The following ADNP variants were observed in gnomAD, a reference collection of about 807,000 sequenced individuals.
ADNP encodes activity dependent neuroprotector homeobox.
Under a neutral mutation model 84.9 loss-of-function variants are expected in ADNP, and 4 were observed. The ratio of observed to expected loss-of-function variants is 0.05; its 90% CI spans 0.02 to 0.11. The LOEUF is 0.11. Among genes scored for constraint, ADNP ranks in the 10% least tolerant of loss-of-function variants. ADNP has a pLI of 1.00. For synonymous variants in ADNP, 554 were observed against 468.1 expected (o/e 1.18, Z -2.37); for missense variants, 1,132 against 1,326.0 (o/e 0.85, Z 2.27).
chr20:50,910,785 G>T (rs527377467), intron 2 of ADNP, among the ~76,000 whole-genome samples: 1 of 152,116 alleles, frequency 6.6e-6, no homozygotes, highest in Non-Finnish European at 1.5e-5. Context: ...CTCGCAAGTA[G>T]ATGAGACTAG....
intron 2 of ADNP, among the ~76,000 whole-genome samples, chr20:50,921,684 G>A (rs765022297): frequency 3.7e-4 from 57 of 152,152 alleles, no homozygotes; most frequent in Non-Finnish European, 6.9e-4. Flanking sequence ...ACTCCTCTAA[G>A]AGTTTAAGAT....
intron 1 of ADNP, among the ~76,000 whole-genome samples, 187 bp downstream of exon 1, chr20:50,930,639 C>T (rs1353351742): frequency 6.6e-6 from 1 of 151,630 alleles, no homozygotes; most frequent in Non-Finnish European, 1.5e-5. Flanking sequence ...GGTAGCGGTC[C>T]GTGCCGGGAC....
chr20:50,891,921 C>T lies in ADNP; in HGVS notation c.2793G>A (p.Glu931=), dbSNP rs1394395413. 5.6e-6 allele frequency: 9 copies of T among 1,614,088 alleles called. No individual in the cohort carries two copies. Among genetic ancestry groups the T allele is most frequent in the Non-Finnish European group, 6.8e-6 (8 of 1,180,052 alleles). ...GAATAGTTTCGTATTTTGAACCATC[C>T]TCTTTTTGGTCTAGCTTCTCCTCAG... is the stretch of plus-strand genomic sequence containing the variant. ...SESEEKLDQK[E]DGSKYETIHL... is the part of the protein sequence containing the mutation. The change falls in exon 6 of 6, where the codon GAG becomes GAA. Residue 931 remains glutamate, a synonymous_variant. Transcript: ENST00000621696.
intron 4 of ADNP, 139 bp from the exon 5 acceptor site, chr20:50,902,248 A>G: frequency 1.6e-6 from 1 of 611,294 alleles, no homozygotes; most frequent in South Asian, 2.0e-5. Context: ...ACTAGGAGTG[A>G]TAAGGCTCTT....
chr20:50,890,858 G>C lies in ADNP; in HGVS notation c.*547C>G. 1 of 928,700 alleles carries C rather than the reference G, an allele frequency of 1.1e-6. No individual in the cohort carries two copies. Among genetic ancestry groups the C allele is most frequent in the Non-Finnish European group, 1.3e-6 (1 of 778,236 alleles). The allele number at this position is 928,700 out of a possible 1,614,324, so 57.5% of individuals were successfully genotyped here. A position where few individuals can be genotyped will look rare whatever the true frequency, so the allele number is the denominator to read the frequency against. ...AACTAGATAGAGCGTTTATTACACAGCAAGGGCAACACTAAAAAAAGAAAT... is the reference window on the plus strand; with the variant it reads ...AACTAGATAGAGCGTTTATTACACACCAAGGGCAACACTAAAAAAAGAAAT... On this transcript the variant is annotated 3_prime_UTR_variant, in exon 6 of 6. Transcript: ENST00000621696.
At chr20:50,918,570 A>G (rs1401052223) in intron 2 of ADNP, among the ~76,000 whole-genome samples, 4 of 152,308 alleles carry the variant, frequency 2.6e-5, no homozygotes, top group East Asian at 3.9e-4. Context: ...ACAGGATATT[A>G]TATTACTTTT....
At position 50,891,840 on chromosome 20, in the gene ADNP, G is replaced by C; in HGVS notation, c.2874C>G (p.Asp958Glu). 3.7e-6 allele frequency: 6 copies of C among 1,614,144 alleles called. No homozygotes were observed. Among genetic ancestry groups the C allele is most frequent in the Non-Finnish European group, 5.1e-6 (6 of 1,180,024 alleles). Residue 958 changes from aspartate (D) to glutamate (E), a missense_variant, in exon 6 of 6, where the codon GAC becomes GAG. Transcript: ENST00000621696. ...LMHNASDSEV[D>E]QDDVVEWKDG... Reference sequence around the variant, plus strand: ...CTTTCCACTCAACAACATCGTCTTGGTCAACCTCACTATCAGATGCATTGT... The same window carrying C: ...CTTTCCACTCAACAACATCGTCTTGCTCAACCTCACTATCAGATGCATTGT...
chr20:50,927,879 TTCCG>T (rs1984392661), intron 2 of ADNP, among the ~76,000 whole-genome samples: 1 of 152,232 alleles, frequency 6.6e-6, no homozygotes, highest in South Asian at 2.1e-4. Context: ...ATTTCAAACA[TTCCG>T]TCAAATAAGT....
chr20:50,899,593 C>T lies in ADNP; in HGVS notation c.201+2424G>A, dbSNP rs959628444. On this transcript the variant is annotated intron_variant, in intron 5 of 5. Transcript: ENST00000621696. Reference sequence around the variant, plus strand: ...AAAGTTAACTCTAAAACAGCCTCAGCCAGATCCTTCAGGAGGTATCTAGAA... The same window carrying T: ...AAAGTTAACTCTAAAACAGCCTCAGTCAGATCCTTCAGGAGGTATCTAGAA... 5.3e-5 allele frequency among the ~76,000 whole-genome samples: 8 copies of T among 152,170 alleles called. No homozygotes were observed. The East Asian group carries it at 1.5e-3, about 29-fold the overall frequency.
At chr20:50,928,229 T>C (rs1352263572) in intron 2 of ADNP, among the ~76,000 whole-genome samples, 1 of 152,190 alleles carries the variant, frequency 6.6e-6, no homozygotes, top group Non-Finnish European at 1.5e-5. Context: ...TGTATTTATG[T>C]AACATACAAA....
At chr20:50,925,111 G>A (rs1568746414) in intron 2 of ADNP, among the ~76,000 whole-genome samples, 2 of 152,072 alleles carry the variant, frequency 1.3e-5, no homozygotes, top group Non-Finnish European at 2.9e-5. Flanking sequence ...TAAGGCAGAG[G>A]ACTGAATTAA....
chr20:50,892,955 G>C lies in ADNP; in HGVS notation c.1759C>G (p.Pro587Ala). Residue 587 changes from proline (P) to alanine (A), a missense_variant, in exon 6 of 6, where the codon CCT becomes GCT. Physicochemically the swap from Pro to Ala is conservative, Grantham distance 27. Around this residue, in one of 10 missense-constraint regions of ADNP, gnomAD observed 53 missense variants for 39.8 expected, o/e 1.33. Transcript: ENST00000621696. ...GGCTGTGGCTTTGGAGGAACTGGAG[G>C]ATTATTTTGGGCATGGTAAGCAACA... ...ESVAYHAQNN[P>A]PVPPKPQPKV... 1 of 1,614,190 alleles carries C rather than the reference G, an allele frequency of 6.2e-7. No homozygotes were observed. The highest frequency in any genetic ancestry group is 8.5e-7 in the Non-Finnish European group (1 of 1,180,040).
rs1402949679 is a variant in ADNP, at chr20:50,931,320, G to A, written c.-759C>T. The A allele has an allele frequency of 6.7e-6, 1 of 148,918 alleles. No homozygotes were observed. Among genetic ancestry groups the A allele is most frequent in the Non-Finnish European group, 1.5e-5 (1 of 66,754 alleles). The allele number at this position is 148,918 out of a possible 1,614,324, so 9.2% of individuals were successfully genotyped here. ...GCGGAGGGGAGACCGGGCCGGCGGA[G>A]GCGGCGGCGGCAACGGGCGGGGGAG... On this transcript the variant is annotated 5_prime_UTR_variant, in exon 1 of 6. Transcript: ENST00000621696.
At chr20:50,898,743 C>T (rs1981664830) in intron 5 of ADNP, among the ~76,000 whole-genome samples, 1 of 152,152 alleles carries the variant, frequency 6.6e-6, no homozygotes, top group South Asian at 2.1e-4. Flanking sequence ...AAACCATGCA[C>T]AAGAATGATG....
intron 5 of ADNP, 21 bp downstream of exon 5, chr20:50,901,996 G>A (rs754012539): frequency 1.9e-6 from 3 of 1,560,074 alleles, no homozygotes; most frequent in South Asian, 2.2e-5. Flanking sequence ...GCCATCTGAG[G>A]AAGTCTCCTG....
At chr20:50,897,781 G>A (rs1981563981) in intron 5 of ADNP, among the ~76,000 whole-genome samples, 1 of 152,208 alleles carries the variant, frequency 6.6e-6, no homozygotes, top group African/African-American at 2.4e-5. Context: ...CTTAAAGGAG[G>A]CATTTGCTTA....
Position 50,893,900 on chromosome 20 carries a change from C to T in ADNP, c.814G>A (p.Ala272Thr). The change falls in exon 6 of 6, where the codon GCT (alanine) becomes ACT (threonine). Residue 272 changes from alanine (A) to threonine (T), a missense_variant. By Grantham distance (58) the Ala-to-Thr change is moderately conservative. Transcript: ENST00000621696. The surrounding 1 kb of genome is among the most constrained non-coding windows in gnomAD (Gnocchi z 4.4). ...CTCTTCTTGTCTTGAGGTTTGGGAG[C>T]AATTAGCATCAAGGGTTTGGATCGG... ...VPRSKPLMLI[A>T]PKPQDKKSMG... 6.2e-7 allele frequency: 1 copy of T among 1,614,158 alleles called. No individual in the cohort carries two copies. Among genetic ancestry groups the T allele is most frequent in the South Asian group, 1.1e-5 (1 of 91,088 alleles).
rs565077990 is a variant in ADNP, at chr20:50,902,626, A to C, written c.109-517T>G. Among the ~76,000 whole-genome samples, 6 of 152,364 alleles carry C rather than the reference A, an allele frequency of 3.9e-5. No homozygotes were observed. The South Asian group carries it at 1.2e-3, about 32-fold the overall frequency. On this transcript the variant is annotated intron_variant, in intron 4 of 5. Coordinates refer to ENST00000621696, the MANE Select transcript of ADNP (RefSeq NM_001282531.3). ...AAAGAAAGTTAAGCAGTATGATGTT[A>C]AATTTATACTCTCATGTAAAAATTT...
intron 2 of ADNP, among the ~76,000 whole-genome samples, chr20:50,907,826 G>C (rs2122871584): frequency 6.7e-6 from 1 of 150,184 alleles, no homozygotes; most frequent in Admixed American, 6.6e-5. Context: ...CTGAACTCCT[G>C]AGCTCAAGTG....
Sources: allele counts gnomAD v4.1 joint callset (sites outside exome capture counted in the v4.1 genomes callset), GRCh38; gene constraint gnomAD v4.1.1; regional missense constraint gnomAD v4.1.1; non-coding constraint Gnocchi (gnomAD v3.1); transcripts MANE v1.5; gene names NCBI Gene and HGNC (gene_info 2026-07-23, HGNC 2026-07-21).